The following SLC35B1 variants were observed in gnomAD, a reference collection of about 807,000 sequenced individuals.
SLC35B1 encodes ATP/ADP exchanger ER.
In SLC35B1, 27 loss-of-function variants were observed where a neutral mutation model predicts 36.6. That is an observed-to-expected ratio of 0.74 (90% CI 0.54 to 1.02). The LOEUF (loss-of-function observed/expected upper bound fraction) is 1.02. Ranked by LOEUF, SLC35B1 falls within the 50% of genes least tolerant of loss-of-function variation. SLC35B1 has a pLI of 0.00. For synonymous variants in SLC35B1, 162 were observed against 152.5 expected, an observed-to-expected ratio of 1.06 and a Z score of -0.46; for missense variants, 321 against 383.2, an observed-to-expected ratio of 0.84 and a Z score of 1.35.
upstream of SLC35B1, chr17:49,708,096 C>A (rs1168056891): frequency 1.4e-6 from 1 of 737,000 alleles, no homozygotes; most frequent in Admixed American, 2.1e-5. Context: ...TCCCTGAGGG[C>A]CAGGGGAACC....
chr17:49,706,346 CAAAAAAAAAAAAAAAAAAAGAAAAGAAAA>C lies in SLC35B1; in HGVS notation c.209-41_209-13del. The C allele has an allele frequency of 5.5e-6, 4 of 732,216 alleles. No homozygotes were observed. In the South Asian group the frequency reaches 1.8e-4, roughly 34 times the overall value. 45.4% of individuals were successfully genotyped at this position (732,216 alleles called of 1,614,324 possible). A position where few individuals can be genotyped will look rare whatever the true frequency, so the allele number is the denominator to read the frequency against. On this transcript the variant is annotated splice_polypyrimidine_tract_variant and intron_variant, in intron 2 of 8. Transcript: ENST00000240333. Reference sequence around the variant, plus strand: ...AAAAAACTGGATCACTGGGAGAAGACAAAAAAAAAAAAAAAAAAAGAAAAGAAAAGAAAAAAAAAAAAAAACAAGAGAAA... The same window carrying C: ...AAAAAACTGGATCACTGGGAGAAGACGAAAAAAAAAAAAAAACAAGAGAAA...
chr17:49,705,099 T>C (rs781365390), intron 5 of SLC35B1, 25 bp downstream of exon 5: 6 of 1,612,084 alleles, frequency 3.7e-6, no homozygotes, highest in Non-Finnish European at 5.1e-6. Flanking sequence ...TGGAAAAGGG[T>C]GCCTTCCCCA....
At chr17:49,707,436 A>G in intron 1 of SLC35B1, 1 of 1,458,220 alleles carries the variant, frequency 6.9e-7, no homozygotes, top group Non-Finnish European at 9.1e-7. Flanking sequence ...AAGGGGGCCG[A>G]CTCGGGTCCT....
At chr17:49,705,750 T>A (rs567874904) in intron 4 of SLC35B1, 116 bp downstream of exon 4, 204 of 978,554 alleles carry the variant, frequency 2.1e-4, no homozygotes, top group Non-Finnish European at 3.0e-4. Context: ...TGGGGGAAAG[T>A]CCCTGGAGAC....
intron 4 of SLC35B1, 38 bp from the exon 5 acceptor site, chr17:49,705,319 A>G (rs1426503798): frequency 6.2e-7 from 1 of 1,606,054 alleles, no homozygotes; most frequent in African/African-American, 1.3e-5. Context: ...TCAGGCATCC[A>G]TAAGGTATTG....
intron 4 of SLC35B1, chr17:49,705,584 G>A (rs776442605): frequency 3.4e-5 from 20 of 586,964 alleles, no homozygotes; most frequent in African/African-American, 5.6e-5. Context: ...ATCAAAATGG[G>A]AATTAAGTTG....
At chr17:49,706,368 AAAGAAAAG>A in intron 2 of SLC35B1, 34 bp from the exon 3 acceptor site, 3 of 1,199,892 alleles carry the variant, frequency 2.5e-6, no homozygotes, top group Non-Finnish European at 2.2e-6. Context: ...AAAAAAAAGA[AAAGAAAAG>A]AAAAAAAAAA....
At chr17:49,703,630 A>G (rs2073379806) in intron 6 of SLC35B1, 1 of 350,776 alleles carries the variant, frequency 2.9e-6, no homozygotes, top group Admixed American at 4.1e-5. Flanking sequence ...CCCTCGCATT[A>G]GTCACCTTCA....
Position 49,701,453 on chromosome 17 carries a change from T to C in SLC35B1, c.*5A>G, listed in dbSNP as rs576940165. ...ATTCTTGATGTGGAGGTAGTCTCTC[T>C]CTTCCTAGTGGGATGTCTTCTTAGC... On this transcript the variant is annotated 3_prime_UTR_variant, in exon 9 of 9. Transcript: ENST00000240333. 6.2e-7 allele frequency: 1 copy of C among 1,610,702 alleles called. No individual in the cohort carries two copies. The highest frequency in any genetic ancestry group is 1.1e-5 in the South Asian group (1 of 91,010).
chr17:49,708,037 C>G (rs983314619), upstream of SLC35B1: 5 of 1,140,560 alleles, frequency 4.4e-6, no homozygotes, highest in Admixed American at 4.4e-5. Flanking sequence ...CCTCAGAACC[C>G]AGCAACCACT....
intron 6 of SLC35B1, chr17:49,703,630 A>C: frequency 5.7e-6 from 2 of 350,894 alleles, no homozygotes; most frequent in Non-Finnish European, 1.1e-5. Flanking sequence ...CCCTCGCATT[A>C]GTCACCTTCA....
At position 49,707,030 on chromosome 17, in the gene SLC35B1, G is replaced by A. The variant is rs765869432; in HGVS notation, c.143C>T (p.Thr48Met). 3.7e-6 allele frequency: 6 copies of A among 1,613,804 alleles called. No homozygotes were observed. The highest frequency in any genetic ancestry group is 1.3e-5 in the African/African-American group (1 of 74,886). ...GACCAAAGTTAAGGCAAAGGTGAAC[G>A]TCTCCTGCTTGGCTCCTTCCCCATA... ...GKYGEGAKQE[T>M]FTFALTLVFI... The change falls in exon 2 of 9, where the codon ACG becomes ATG. Residue 48 changes from threonine (T) to methionine (M), a missense_variant. Coordinates refer to ENST00000240333, the MANE Select transcript of SLC35B1 (RefSeq NM_005827.4).
chr17:49,701,519 A>C lies in SLC35B1; in HGVS notation c.917-9T>G. 1 of 1,613,398 alleles carries C rather than the reference A, an allele frequency of 6.2e-7. No individual in the cohort carries two copies. Among genetic ancestry groups the C allele is most frequent in the Non-Finnish European group, 8.5e-7 (1 of 1,179,472 alleles). ...GGCATCAAGACCAAGACCTATGAAA[A>C]GGAAGAAAATGGGCTTAGCCTTATG... On this transcript the variant is annotated splice_polypyrimidine_tract_variant and intron_variant, in intron 8 of 8. Transcript: ENST00000240333.
intron 5 of SLC35B1, 67 bp downstream of exon 5, chr17:49,705,057 C>T (rs1169467368): frequency 4.3e-5 from 66 of 1,545,216 alleles, no homozygotes; most frequent in Middle Eastern, 4.0e-4. Flanking sequence ...CTTCTACCTG[C>T]CTAGGTGAGA....
chr17:49,707,509 A>G, intron 1 of SLC35B1: 1 of 1,482,670 alleles, frequency 6.7e-7, no homozygotes. Flanking sequence ...GGGGAAAAAC[A>G]GCTAAGAAAA....
intron 6 of SLC35B1, 83 bp from the exon 7 acceptor site, chr17:49,703,377 G>C (rs2073376959): frequency 2.8e-5 from 17 of 596,976 alleles, no homozygotes; most frequent in Non-Finnish European, 4.6e-5. Flanking sequence ...CACACACACA[G>C]ACACTCCTGC....
Position 49,707,884 on chromosome 17 carries a change from G to A in SLC35B1, c.-51C>T, listed in dbSNP as rs369132921. 106 of 1,604,352 alleles carry A rather than the reference G, an allele frequency of 6.6e-5. No individual in the cohort carries two copies. The highest frequency in any genetic ancestry group is 8.8e-5 in the Non-Finnish European group (103 of 1,176,308). On this transcript the variant is annotated 5_prime_UTR_variant, in exon 1 of 9. Transcript: ENST00000240333. ...GACCCGCTCACAACCGGCACCGGCA[G>A]CAGCGGCGGCGGAGGCGACAGCTCC...
chr17:49,702,505 G>A (rs1567818398), intron 8 of SLC35B1: 1 of 183,636 alleles, frequency 5.4e-6, no homozygotes, highest in African/African-American at 2.4e-5. Flanking sequence ...GCTGAGGCGG[G>A]GGGAATCACC....
chr17:49,701,513 A>G lies in SLC35B1; in HGVS notation c.917-3T>C, dbSNP rs2073350929. 6.2e-7 allele frequency: 1 copy of G among 1,613,350 alleles called. No homozygotes were observed. The highest frequency in any genetic ancestry group is 1.3e-5 in the African/African-American group (1 of 74,886). On this transcript the variant is annotated splice_polypyrimidine_tract_variant and splice_region_variant and intron_variant, in intron 8 of 8. Transcript: ENST00000240333. Reference sequence around the variant, plus strand: ...AAACTTGGCATCAAGACCAAGACCTATGAAAAGGAAGAAAATGGGCTTAGC... The same window carrying G: ...AAACTTGGCATCAAGACCAAGACCTGTGAAAAGGAAGAAAATGGGCTTAGC...
Sources: gnomAD v4.1 joint callset for allele counts on GRCh38, gnomAD v4.1.1 for gene constraint, MANE v1.5 for transcripts, NCBI Gene and HGNC (gene_info 2026-07-23, HGNC 2026-07-21) for gene names.